Variants in FANCC observed in about 807,000 individuals in gnomAD.
FANCC encodes the protein Fanconi anemia group C protein.
FANCC carries 55 observed loss-of-function variants against 71.3 expected under a neutral mutation model. The observed-to-expected ratio is 0.77, with a 90% CI of 0.62 to 0.97. The LOEUF (loss-of-function observed/expected upper bound fraction) is 0.97, where lower values mean the gene tolerates loss of function less well. Ranked by LOEUF, FANCC falls within the 50% of genes least tolerant of loss-of-function variation. The probability of loss-of-function intolerance (pLI) is 0.00; values close to 1 mark genes in which losing one functional copy is unlikely to be tolerated. For missense variants in FANCC, 678 were observed against 670.9 expected, an observed-to-expected ratio of 1.01 and a Z score of -0.12; for synonymous variants, 275 against 244.9, an observed-to-expected ratio of 1.12 and a Z score of -1.15.
intron 1 of FANCC, chr9:95,292,627 G>GC: frequency 2.1e-6 from 3 of 1,423,326 alleles, no homozygotes; most frequent in Non-Finnish European, 3.0e-6. Context: ...CTGCCCAACA[G>GC]CCCCGCGCTC....
At chr9:95,275,799 G>C (rs1833001067) in intron 1 of FANCC, among the ~76,000 whole-genome samples, 1 of 152,126 alleles carries the variant, frequency 6.6e-6, no homozygotes, top group South Asian at 2.1e-4. Context: ...CAGAAGGATG[G>C]CCTGAGCCCA....
At chr9:95,154,984 C>T (rs1041496489) in intron 6 of FANCC, among the ~76,000 whole-genome samples, 1 of 151,384 alleles carries the variant, frequency 6.6e-6, no homozygotes, top group African/African-American at 2.4e-5. Context: ...GGTGGGTGGA[C>T]TGCTTCAGCC....
intron 1 of FANCC, among the ~76,000 whole-genome samples, chr9:95,287,249 T>C (rs1218074351): frequency 6.6e-6 from 1 of 152,048 alleles, no homozygotes; most frequent in Non-Finnish European, 1.5e-5. Context: ...GTCAGTTTTT[T>C]ATTGTTTTTT....
At chr9:95,117,572 A>G (rs2072525548) in intron 10 of FANCC, among the ~76,000 whole-genome samples, 182 bp from the exon 11 acceptor site, 2 of 147,050 alleles carry the variant, frequency 1.4e-5, no homozygotes, top group Non-Finnish European at 3.0e-5. Flanking sequence ...TTCCAGAATA[A>G]TTAACCTTTT....
At chr9:95,280,991 G>GA (rs1833355926) in intron 1 of FANCC, among the ~76,000 whole-genome samples, 1 of 152,048 alleles carries the variant, frequency 6.6e-6, no homozygotes, top group Non-Finnish European at 1.5e-5. Flanking sequence ...CAGGTTAATT[G>GA]AAAATACGTA....
At chr9:95,142,860 T>C (rs1324560713) in intron 7 of FANCC, among the ~76,000 whole-genome samples, 6 of 152,154 alleles carry the variant, frequency 3.9e-5, no homozygotes, top group Admixed American at 3.9e-4. Context: ...ACACTCACTG[T>C]GTGGATTTTC....
intron 1 of FANCC, among the ~76,000 whole-genome samples, chr9:95,313,330 T>G (rs1835525614): frequency 6.6e-6 from 1 of 152,082 alleles, no homozygotes; most frequent in African/African-American, 2.4e-5. Flanking sequence ...TGGGAACCAG[T>G]GCTGGAGAAA....
intron 1 of FANCC, among the ~76,000 whole-genome samples, chr9:95,273,681 T>A (rs1467322346): frequency 6.6e-6 from 1 of 152,150 alleles, no homozygotes; most frequent in African/African-American, 2.4e-5. Context: ...TATACGAAAT[T>A]TCAGCCCAAG....
At chr9:95,226,332 C>T (rs1338825233) in intron 4 of FANCC, among the ~76,000 whole-genome samples, 5 of 152,164 alleles carry the variant, frequency 3.3e-5, no homozygotes, top group Admixed American at 2.6e-4. Context: ...CACTTTTATT[C>T]AATAATAGAC....
intron 11 of FANCC, among the ~76,000 whole-genome samples, 189 bp downstream of exon 11, chr9:95,117,126 C>T (rs1241658946): frequency 6.6e-6 from 1 of 152,158 alleles, no homozygotes; most frequent in Non-Finnish European, 1.5e-5. Context: ...GTGATCACAA[C>T]TGGGAAGCCA....
intron 13 of FANCC, among the ~76,000 whole-genome samples, chr9:95,108,522 AC>A (rs745805418): frequency 1.3e-5 from 2 of 152,244 alleles, no homozygotes; most frequent in Non-Finnish European, 2.9e-5. Flanking sequence ...TCTGGCCCAG[AC>A]TGTCTTTCCC....
At chr9:95,187,889 C>T (rs977036039) in intron 4 of FANCC, among the ~76,000 whole-genome samples, 7 of 152,038 alleles carry the variant, frequency 4.6e-5, no homozygotes, top group African/African-American at 1.4e-4. Context: ...TGAGGTAGAA[C>T]GCTTTCAGGA....
At position 95,100,678 on chromosome 9, in the gene FANCC, T is replaced by G; in HGVS notation, c.*1029A>C. ...GATGGTCTCGCTCTGTTGCCCAGGC[T>G]GGAGTGCAGTGTCATGATCTCGGCT... On this transcript the variant is annotated 3_prime_UTR_variant, in exon 15 of 15. Coordinates refer to ENST00000289081, the MANE Select transcript of FANCC (RefSeq NM_000136.3). 4.4e-6 allele frequency: 1 copy of G among 229,212 alleles called. No individual in the cohort carries two copies. Among genetic ancestry groups the G allele is most frequent in the East Asian group, 6.2e-5 (1 of 16,094 alleles). 14.2% of individuals were successfully genotyped at this position (229,212 alleles called of 1,614,324 possible).
Position 95,249,362 on chromosome 9 carries a change from C to T in FANCC, c.-71G>A, listed in dbSNP as rs1296685064. On this transcript the variant is annotated 5_prime_UTR_variant, in exon 2 of 15. It adds an upstream start codon to the 5' untranslated region. Coordinates refer to ENST00000289081, the MANE Select transcript of FANCC (RefSeq NM_000136.3). Reference sequence around the variant, plus strand: ...AGCACTGAAGGAAATGGTCGGCACACATTAAATCTGTAAGAAAGGGAACAA... The same window carrying T: ...AGCACTGAAGGAAATGGTCGGCACATATTAAATCTGTAAGAAAGGGAACAA... 6.8e-7 allele frequency: 1 copy of T among 1,460,386 alleles called. No individual in the cohort carries two copies. The highest frequency in any genetic ancestry group is 1.4e-5 in the African/African-American group (1 of 71,726). The allele number at this position is 1,460,386 out of a possible 1,614,324, so 90.5% of individuals were successfully genotyped here.
At chr9:95,263,828 C>T (rs978245564) in intron 1 of FANCC, among the ~76,000 whole-genome samples, 6 of 152,084 alleles carry the variant, frequency 3.9e-5, no homozygotes, top group Non-Finnish European at 7.3e-5. Context: ...ACAGACCAGT[C>T]ATGGTATTTA....
At chr9:95,230,642 G>A (rs1275967358) in intron 4 of FANCC, among the ~76,000 whole-genome samples, 1 of 152,074 alleles carries the variant, frequency 6.6e-6, no homozygotes, top group Non-Finnish European at 1.5e-5. Context: ...GCAGACCTTC[G>A]CAGTGAGTGT....
chr9:95,313,661 C>A (rs1341212820), intron 1 of FANCC, among the ~76,000 whole-genome samples: 2 of 152,054 alleles, frequency 1.3e-5, no homozygotes, highest in Non-Finnish European at 2.9e-5. Context: ...ACAGACATCA[C>A]AAGACAAAAT....
chr9:95,272,249 T>G (rs1404988038), intron 1 of FANCC, among the ~76,000 whole-genome samples: 29 of 152,080 alleles, frequency 1.9e-4, no homozygotes, highest in Admixed American at 1.9e-3. Flanking sequence ...CGCCTCCTCT[T>G]TTTTATTGAG....
intron 6 of FANCC, among the ~76,000 whole-genome samples, chr9:95,152,209 C>T (rs1171367264): frequency 6.6e-6 from 1 of 152,070 alleles, no homozygotes; most frequent in Non-Finnish European, 1.5e-5. Flanking sequence ...TTATTGATCC[C>T]CTACTGTAGT....
Sources: gnomAD v4.1 joint callset for allele counts (sites outside exome capture counted in the v4.1 genomes callset) on GRCh38, gnomAD v4.1.1 for gene constraint, MANE v1.5 for transcripts, NCBI Gene and HGNC (gene_info 2026-07-23, HGNC 2026-07-21) for gene names.